The following LSP1 variants were observed in gnomAD, a reference collection of about 807,000 sequenced individuals.
LSP1 encodes lymphocyte specific protein 1, also known as lymphocyte-specific protein 1.
Under a neutral mutation model 49.3 loss-of-function variants are expected in LSP1, and 32 were observed. The observed-to-expected ratio is 0.65, with a 90% CI of 0.49 to 0.87. The LOEUF (loss-of-function observed/expected upper bound fraction) is 0.87, where lower values mean the gene tolerates loss of function less well. Among genes scored for constraint, LSP1 ranks in the 40% least tolerant of loss-of-function variants. The pLI is 0.00. For missense variants in LSP1, 428 were observed against 442.6 expected (o/e 0.97, Z 0.30); for synonymous variants, 179 against 178.8 (o/e 1.00, Z -0.01).
At chr11:1,853,837 G>A (rs11041476) in intron 1 of LSP1, among the ~76,000 whole-genome samples, 36,542 of 152,144 alleles carry the variant, frequency 0.24, 5,393 homozygotes, top group Admixed American at 0.33. Flanking sequence ...GAGGTTGTGT[G>A]TAGGACTGCC....
chr11:1,884,973 A>G lies in LSP1; in HGVS notation c.717+392A>G, dbSNP rs1339421160. Among the ~76,000 whole-genome samples, 1 of 151,662 alleles carries G rather than the reference A, an allele frequency of 6.6e-6. No individual in the cohort carries two copies. The highest frequency in any genetic ancestry group is 2.4e-5 in the African/African-American group (1 of 41,222). On this transcript the variant is annotated intron_variant, in intron 7 of 10. Transcript: ENST00000311604. This position sits in a 1 kb window ranked among gnomAD's most constrained non-coding sequence, Gnocchi z 4.1. ...TCCACCACCCAATCAATGCTCTTTC[A>G]TCCTATCAATGCTCCTCTATCCAGC... is the stretch of plus-strand genomic sequence containing the variant.
In LSP1 at chr11:1,883,918, T is replaced by C. The variant is rs769657736; in HGVS notation, c.499-14T>C. Reference sequence around the variant, plus strand: ...GCAGGGGGTCACTTGGGATGTCTGTTTTTTTTTTTCTAGCACCAGAAATGT... The same window carrying C: ...GCAGGGGGTCACTTGGGATGTCTGTCTTTTTTTTTCTAGCACCAGAAATGT... On this transcript the variant is annotated splice_polypyrimidine_tract_variant and intron_variant, in intron 4 of 10. Transcript: ENST00000311604. 6.4e-5 allele frequency: 99 copies of C among 1,538,038 alleles called. No individual in the cohort carries two copies. The highest frequency in any genetic ancestry group is 1.7e-4 in the Middle Eastern group (1 of 5,804).
intron 1 of LSP1, among the ~76,000 whole-genome samples, chr11:1,855,272 T>C (rs1224481434): frequency 6.6e-6 from 1 of 152,094 alleles, no homozygotes; most frequent in Non-Finnish European, 1.5e-5. Flanking sequence ...GGCAGGGATG[T>C]ATGGCCTGGG....
chr11:1,881,490 T>A lies in LSP1; in HGVS notation c.250T>A (p.Trp84Arg). Reference sequence around the variant, plus strand: ...GGATGAGGACGAGGGCTTTGGCGACTGGTCCCAGAGGCCAGAGCAGCGGCA... The same window carrying A: ...GGATGAGGACGAGGGCTTTGGCGACAGGTCCCAGAGGCCAGAGCAGCGGCA... Reference protein sequence around the residue: ...ELDEDEGFGDWSQRPEQRQQH... With the variant: ...ELDEDEGFGDRSQRPEQRQQH... Residue 84 changes from tryptophan to arginine, a missense_variant, in exon 3 of 11, where the codon TGG becomes AGG. Transcript: ENST00000311604. 1 of 1,578,190 alleles carries A rather than the reference T, an allele frequency of 6.3e-7. No individual in the cohort carries two copies. The highest frequency in any genetic ancestry group is 1.7e-4 in the Middle Eastern group (1 of 5,952).
chr11:1,860,252 T>G (rs1463130039), intron 1 of LSP1, among the ~76,000 whole-genome samples: 1 of 152,106 alleles, frequency 6.6e-6, no homozygotes, highest in Non-Finnish European at 1.5e-5. Context: ...AATGGATGGA[T>G]GGATGGATGG....
intron 1 of LSP1, among the ~76,000 whole-genome samples, chr11:1,874,715 G>A (rs1323373315): frequency 1.3e-5 from 2 of 152,180 alleles, no homozygotes; most frequent in Non-Finnish European, 2.9e-5. Context: ...CTGAACCCTG[G>A]GTAGTGAGAA....
intron 1 of LSP1, among the ~76,000 whole-genome samples, chr11:1,859,858 TCA>T (rs1369623552): frequency 2.0e-5 from 3 of 152,108 alleles, no homozygotes; most frequent in African/African-American, 7.2e-5. Flanking sequence ...CCTCTTTAAA[TCA>T]CAGACATTTA....
intron 9 of LSP1, 57 bp from the exon 10 acceptor site, chr11:1,887,417 C>G: frequency 6.3e-7 from 1 of 1,578,086 alleles, no homozygotes; most frequent in Non-Finnish European, 8.7e-7. Context: ...GAGGCGGAGG[C>G]AGCATCATCT....
intron 1 of LSP1, chr11:1,864,172 G>C: frequency 2.0e-6 from 2 of 986,324 alleles, no homozygotes; most frequent in Non-Finnish European, 2.4e-6. Flanking sequence ...GGCTGAGTGC[G>C]AGACGGGGAA....
intron 1 of LSP1, chr11:1,866,450 G>T: frequency 6.9e-7 from 1 of 1,455,864 alleles, no homozygotes; most frequent in Non-Finnish European, 9.1e-7. Context: ...GCTCCCACTT[G>T]TTGGGTCCGT....
chr11:1,890,806 A>T, intron 10 of LSP1: 1 of 579,990 alleles, frequency 1.7e-6, no homozygotes, highest in South Asian at 2.2e-5. Context: ...TGTAGAAATG[A>T]GGCCACAGAG....
At chr11:1,865,497 C>T (rs948385384) in intron 1 of LSP1, among the ~76,000 whole-genome samples, 58 of 151,756 alleles carry the variant, frequency 3.8e-4, no homozygotes, top group Admixed American at 5.3e-4. Flanking sequence ...CCTTCCCCAT[C>T]CCACCTGCAC....
At chr11:1,883,785 T>A in intron 4 of LSP1, 147 bp from the exon 5 acceptor site, 1 of 900,858 alleles carries the variant, frequency 1.1e-6, no homozygotes, top group Non-Finnish European at 1.7e-6. Context: ...CCTCAGTCCC[T>A]CCCCACCAGC....
Position 1,881,475 on chromosome 11 carries a change from G to C in LSP1, c.235G>C (p.Glu79Gln), listed in dbSNP as rs371381465. The C allele has an allele frequency of 6.3e-7, 1 of 1,580,850 alleles. No homozygotes were observed. Among genetic ancestry groups the C allele is most frequent in the Non-Finnish European group, 8.6e-7 (1 of 1,162,850 alleles). Residue 79 changes from glutamate (E) to glutamine (Q), a missense_variant, in exon 3 of 11, where the codon GAG becomes CAG. Coordinates refer to ENST00000311604, the MANE Select transcript of LSP1 (RefSeq NM_002339.3). ...GGAGGCCCCTGAACTGGATGAGGAC[G>C]AGGGCTTTGGCGACTGGTCCCAGAG... ...PSEAPELDED[E>Q]GFGDWSQRPE...
chr11:1,875,265 G>A (rs1220047043), intron 1 of LSP1, among the ~76,000 whole-genome samples: 1 of 152,204 alleles, frequency 6.6e-6, no homozygotes, highest in Non-Finnish European at 1.5e-5. Flanking sequence ...GCAGGCCGAT[G>A]TCCAAGTCCA....
intron 1 of LSP1, among the ~76,000 whole-genome samples, chr11:1,874,216 GT>G (rs1365230292): frequency 3.8e-5 from 3 of 79,966 alleles, no homozygotes; most frequent in African/African-American, 5.7e-5. Context: ...AGTGGGGGCA[GT>G]GTTGGGGACA....
chr11:1,871,107 T>G (rs2133080747), intron 1 of LSP1: 1 of 985,358 alleles, frequency 1.0e-6, no homozygotes, highest in African/African-American at 1.7e-5. Flanking sequence ...CCCAGAAAGG[T>G]CCCGCAGGTC....
chr11:1,877,551 C>T (rs1333448118), intron 1 of LSP1, among the ~76,000 whole-genome samples: 7 of 152,198 alleles, frequency 4.6e-5, no homozygotes, highest in Non-Finnish European at 1.0e-4. Flanking sequence ...CCAGGGCCGG[C>T]ACCGCCGTTG....
chr11:1,883,785 TC>T (rs1408744659), intron 4 of LSP1, 146 bp from the exon 5 acceptor site: 10 of 900,742 alleles, frequency 1.1e-5, no homozygotes, highest in Non-Finnish European at 1.7e-5. Flanking sequence ...CCTCAGTCCC[TC>T]CCCACCAGCT....
Sources: allele counts gnomAD v4.1 joint callset (sites outside exome capture counted in the v4.1 genomes callset), GRCh38; gene constraint gnomAD v4.1.1; non-coding constraint Gnocchi (gnomAD v3.1); transcripts MANE v1.5; gene names NCBI Gene and HGNC (gene_info 2026-07-23, HGNC 2026-07-21).